The following AMMECR1 variants were observed in gnomAD, a reference collection of about 807,000 sequenced individuals.
AMMECR1 encodes AMMECR nuclear protein 1.
A neutral mutation model predicts 22.5 loss-of-function variants in AMMECR1; 3 were observed. The observed-to-expected ratio is 0.13, with a 90% confidence interval of 0.06 to 0.35. AMMECR1 has a LOEUF of 0.35. Among genes scored for constraint, AMMECR1 ranks in the 10% least tolerant of loss-of-function variants. The probability of loss-of-function intolerance (pLI) is 1.00; values close to 1 mark genes in which losing one functional copy is unlikely to be tolerated. For missense variants in AMMECR1, 235 were observed against 278.7 expected (o/e 0.84, Z 1.12); for synonymous variants, 130 against 116.7 (o/e 1.11, Z -0.74).
intron 2 of AMMECR1, among the ~76,000 whole-genome samples, chrX:110,338,694 A>T (rs2068150227): frequency 8.9e-6 from 1 of 111,733 alleles, no homozygotes; most frequent in Admixed American, 9.5e-5. Context: ...AGGGGAGGTA[A>T]ATCCACTCAA....
At chrX:110,199,781 G>C (rs1202825984) in intron 5 of AMMECR1, among the ~76,000 whole-genome samples, 1 of 110,947 alleles carries the variant, frequency 9.0e-6, no homozygotes, top group Non-Finnish European at 1.9e-5. Flanking sequence ...CAGATTCTTA[G>C]ATAATACCAA....
chrX:110,331,528 C>G (rs181710909), intron 2 of AMMECR1, among the ~76,000 whole-genome samples: 1 of 110,898 alleles, frequency 9.0e-6, no homozygotes, highest in Admixed American at 9.7e-5. Flanking sequence ...ATACTAAGTC[C>G]ATCAATATTA....
At chrX:110,232,619 C>T (rs762593948) in intron 2 of AMMECR1, among the ~76,000 whole-genome samples, 7 of 110,276 alleles carry the variant, frequency 6.3e-5, no homozygotes, top group Admixed American at 3.8e-4. Context: ...AGCTGGGCAC[C>T]GTGGCTCATG....
intron 2 of AMMECR1, among the ~76,000 whole-genome samples, chrX:110,333,128 G>A (rs911134004): frequency 3.6e-5 from 4 of 111,791 alleles, no homozygotes; most frequent in Non-Finnish European, 5.6e-5. Context: ...GACCTACACT[G>A]AAAGTTGTGT....
rs1163857439 is a variant in AMMECR1 at position 110,290,773 on chromosome X, A to T, written c.474-26174T>A. Among the ~76,000 whole-genome samples the T allele has an allele frequency of 3.6e-5, 4 of 111,456 alleles. 1 individual carries two copies. Among genetic ancestry groups the T allele is most frequent in the Non-Finnish European group, 7.5e-5 (4 of 53,074 alleles). On this transcript the variant is annotated intron_variant, in intron 1 of 5. Transcript: ENST00000262844. ...CAACTTCTCAGAATTCTACTTATTG[A>T]ACATGAGTGTACAATACATATAAAA...
At chrX:110,378,831 C>G (rs1427140081) in intron 2 of AMMECR1, among the ~76,000 whole-genome samples, 1 of 111,509 alleles carries the variant, frequency 9.0e-6, no homozygotes, top group Non-Finnish European at 1.9e-5. Context: ...ACTGCTGGCT[C>G]TTCCAGTCTT....
intron 1 of AMMECR1, among the ~76,000 whole-genome samples, chrX:110,295,170 C>T (rs1409149714): frequency 3.6e-5 from 4 of 111,655 alleles, no homozygotes; most frequent in African/African-American, 1.3e-4. Context: ...AGATACTTCA[C>T]ATTAGACTGA....
At chrX:110,295,424 T>C (rs2067930460) in intron 1 of AMMECR1, among the ~76,000 whole-genome samples, 1 of 111,683 alleles carries the variant, frequency 9.0e-6, no homozygotes, top group African/African-American at 3.2e-5. Context: ...CTCTTTGGTA[T>C]AGTTTTCTCA....
chrX:110,299,737 C>T (rs938994835), intron 1 of AMMECR1, among the ~76,000 whole-genome samples: 13 of 111,865 alleles, frequency 1.2e-4, no homozygotes, highest in Middle Eastern at 4.6e-3. Flanking sequence ...AACCACCATA[C>T]AACTGTTTCT....
chrX:110,437,395 CATT>C (rs1340234831), intron 1 of AMMECR1, among the ~76,000 whole-genome samples: 3 of 112,431 alleles, frequency 2.7e-5, no homozygotes, highest in Non-Finnish European at 5.6e-5. Flanking sequence ...GTCTTCACAA[CATT>C]ATATGATAGC....
At chrX:110,339,801 G>T (rs749553072) in intron 2 of AMMECR1, among the ~76,000 whole-genome samples, 1 of 111,798 alleles carries the variant, frequency 8.9e-6, no homozygotes, top group Admixed American at 9.5e-5. Context: ...TGGCCTGAAC[G>T]TGATTTTATA....
chrX:110,267,673 G>A (rs753561104), intron 1 of AMMECR1, among the ~76,000 whole-genome samples: 3 of 111,618 alleles, frequency 2.7e-5, no homozygotes, highest in Non-Finnish European at 5.7e-5. Flanking sequence ...CTAAAAGTGT[G>A]AGTGAATTCA....
chrX:110,319,240 A>T (rs1228106633), upstream of AMMECR1, among the ~76,000 whole-genome samples: 1 of 112,536 alleles, frequency 8.9e-6, no homozygotes, highest in Non-Finnish European at 1.9e-5. Flanking sequence ...GTAGAAATGA[A>T]CGTGATAGAA....
chrX:110,338,083 A>G (rs2068147850), intron 2 of AMMECR1, among the ~76,000 whole-genome samples: 1 of 112,119 alleles, frequency 8.9e-6, no homozygotes, highest in Admixed American at 9.4e-5. Context: ...ATGGGGAGTC[A>G]TTGTTTAATG....
At chrX:110,318,116 G>A (rs1387364450), upstream of AMMECR1, 6 of 1,063,732 alleles carry the variant, frequency 5.6e-6, no homozygotes, top group Non-Finnish European at 7.3e-6. Context: ...CCATAAGTGA[G>A]GCGAGCTGGC....
intron 2 of AMMECR1, among the ~76,000 whole-genome samples, chrX:110,244,361 T>C (rs776799811): frequency 9.0e-6 from 1 of 111,719 alleles, no homozygotes; most frequent in South Asian, 3.8e-4. Flanking sequence ...TGCTTGTATA[T>C]ATTTCTCTTC....
chrX:110,392,836 A>G (rs1273250315), intron 2 of AMMECR1, among the ~76,000 whole-genome samples: 1 of 112,302 alleles, frequency 8.9e-6, no homozygotes, highest in Non-Finnish European at 1.9e-5. Context: ...CCATGAAACT[A>G]AAAAGGCAGG....
chrX:110,340,307 T>G (rs2068159563), intron 2 of AMMECR1, among the ~76,000 whole-genome samples: 2 of 112,070 alleles, frequency 1.8e-5, no homozygotes, highest in African/African-American at 6.5e-5. Context: ...GGTAGTGAAT[T>G]TTTTATTTCA....
chrX:110,296,908 A>G (rs1218024768), intron 1 of AMMECR1, among the ~76,000 whole-genome samples: 1 of 111,111 alleles, frequency 9.0e-6, no homozygotes, highest in Admixed American at 9.7e-5. Flanking sequence ...CCCTGAATTA[A>G]GTGCCATAGT....
Sources: allele counts gnomAD v4.1 joint callset (sites outside exome capture counted in the v4.1 genomes callset), GRCh38; gene constraint gnomAD v4.1.1; transcripts MANE v1.5; gene names NCBI Gene and HGNC (gene_info 2026-07-23, HGNC 2026-07-21).